The following MAGI2 variants were observed in gnomAD, a reference collection of about 807,000 sequenced individuals.
The protein encoded by MAGI2 is membrane associated guanylate kinase, WW and PDZ domain containing 2.
A neutral mutation model predicts 133.3 loss-of-function variants in MAGI2; 35 were observed. The ratio of observed to expected loss-of-function variants is 0.26; its 90% confidence interval spans 0.20 to 0.35. The LOEUF is 0.35. Ranked by LOEUF, MAGI2 falls within the 10% of genes least tolerant of loss-of-function variation. The pLI, the probability that MAGI2 is intolerant of heterozygous loss-of-function variation, is 1.00. For missense variants in MAGI2, 1,636 were observed against 1,863.4 expected (o/e 0.88, Z 2.25); for synonymous variants, 729 against 710.6 (o/e 1.03, Z -0.41).
At chr7:78,920,054 G>A (rs967421534) in intron 2 of MAGI2, among the ~76,000 whole-genome samples, 1 of 151,988 alleles carries the variant, frequency 6.6e-6, no homozygotes. Context: ...CCATGGCTCC[G>A]AACTTCCCAT....
At chr7:78,187,149 A>G (rs1486465234) in intron 12 of MAGI2, among the ~76,000 whole-genome samples, 3 of 152,198 alleles carry the variant, frequency 2.0e-5, no homozygotes, top group Admixed American at 1.3e-4. Flanking sequence ...ACTAAACATT[A>G]CTAAACGTCT....
intron 2 of MAGI2, among the ~76,000 whole-genome samples, chr7:78,676,552 T>C (rs1354166386): frequency 6.6e-6 from 1 of 152,136 alleles, no homozygotes; most frequent in African/African-American, 2.4e-5. Context: ...ATGGCCACTG[T>C]TGTCAATGCT....
At chr7:78,429,119 G>A (rs1262146172) in intron 6 of MAGI2, among the ~76,000 whole-genome samples, 1 of 152,130 alleles carries the variant, frequency 6.6e-6, no homozygotes, top group Non-Finnish European at 1.5e-5. Flanking sequence ...AATGAGTACA[G>A]GAGGGAGGCC....
chr7:79,297,319 G>A (rs1199544656), intron 1 of MAGI2, among the ~76,000 whole-genome samples: 3 of 152,240 alleles, frequency 2.0e-5, no homozygotes, highest in East Asian at 3.9e-4. Context: ...AAGATAGATG[G>A]GGATTGCATG....
chr7:78,590,260 T>A (rs619747), intron 3 of MAGI2, among the ~76,000 whole-genome samples: 1 of 151,914 alleles, frequency 6.6e-6, no homozygotes, highest in Non-Finnish European at 1.5e-5. Context: ...CCTGGAACGC[T>A]AATTCTGCCT....
intron 2 of MAGI2, among the ~76,000 whole-genome samples, chr7:78,703,147 T>C (rs1818249513): frequency 6.6e-6 from 1 of 151,866 alleles, no homozygotes; most frequent in African/African-American, 2.4e-5. Context: ...TTAAAAAAAA[T>C]CCCAGAGCCA....
At chr7:79,314,221 G>A (rs985591541) in intron 1 of MAGI2, among the ~76,000 whole-genome samples, 8 of 152,192 alleles carry the variant, frequency 5.3e-5, no homozygotes, top group African/African-American at 9.6e-5. Context: ...TGATCTGCCC[G>A]CCTTGGCCTC....
chr7:78,925,388 A>G (rs1486059898), intron 2 of MAGI2, among the ~76,000 whole-genome samples: 1 of 152,066 alleles, frequency 6.6e-6, no homozygotes, highest in Non-Finnish European at 1.5e-5. Context: ...TTCTATTTCT[A>G]CCAGCATGTG....
chr7:79,246,902 G>A (rs1280032797), intron 1 of MAGI2, among the ~76,000 whole-genome samples: 1 of 152,168 alleles, frequency 6.6e-6, no homozygotes, highest in East Asian at 1.9e-4. Context: ...CCTAAAGGCA[G>A]CAAGAGAAAA....
chr7:78,866,463 CAT>C (rs1794563200), intron 2 of MAGI2, among the ~76,000 whole-genome samples: 1 of 152,000 alleles, frequency 6.6e-6, no homozygotes, highest in African/African-American at 2.4e-5. Flanking sequence ...TTTCTTCTCT[CAT>C]GTGAAATTAA....
At chr7:78,210,907 G>A (rs1411179350) in intron 10 of MAGI2, among the ~76,000 whole-genome samples, 1 of 152,212 alleles carries the variant, frequency 6.6e-6, no homozygotes, top group Non-Finnish European at 1.5e-5. Context: ...GATTGCAGTG[G>A]GTTTGAAGAA....
intron 13 of MAGI2, among the ~76,000 whole-genome samples, chr7:78,182,621 T>C (rs1827292261): frequency 6.6e-6 from 1 of 152,214 alleles, no homozygotes; most frequent in Non-Finnish European, 1.5e-5. Flanking sequence ...ATGCTCTCTC[T>C]TAGCACTACT....
At chr7:78,372,164 T>G (rs1793984593) in intron 6 of MAGI2, among the ~76,000 whole-genome samples, 1 of 152,126 alleles carries the variant, frequency 6.6e-6, no homozygotes, top group South Asian at 2.1e-4. Flanking sequence ...AAACAAAGAT[T>G]TAACCTAGTA....
intron 21 of MAGI2, among the ~76,000 whole-genome samples, chr7:78,049,022 C>T (rs112622402): frequency 6.6e-5 from 10 of 151,160 alleles, no homozygotes; most frequent in East Asian, 2.0e-4. Context: ...GCAGGGGAAT[C>T]GCTTGAACCC....
chr7:78,652,279 CTT>C (rs1424671419), intron 2 of MAGI2, among the ~76,000 whole-genome samples: 1 of 152,174 alleles, frequency 6.6e-6, no homozygotes, highest in Non-Finnish European at 1.5e-5. Context: ...AATAAGCAGA[CTT>C]TTGCTTACAT....
intron 6 of MAGI2, among the ~76,000 whole-genome samples, chr7:78,399,582 A>T (rs934207090): frequency 6.6e-6 from 1 of 152,128 alleles, no homozygotes; most frequent in Non-Finnish European, 1.5e-5. Flanking sequence ...AGGTGGGTGG[A>T]TCACTTGTGG....
At chr7:78,524,052 G>GA (rs11434233) in intron 3 of MAGI2, among the ~76,000 whole-genome samples, 62,849 of 149,044 alleles carry the variant, frequency 0.42, 14,498 homozygotes, top group African/African-American at 0.61. Flanking sequence ...CATTTCTAGG[G>GA]AAAAAAAAAA....
intron 3 of MAGI2, among the ~76,000 whole-genome samples, chr7:78,522,221 A>G (rs1796567338): frequency 6.6e-6 from 1 of 152,128 alleles, no homozygotes. Context: ...AGATTACCAC[A>G]GCTTTTTTTT....
intron 1 of MAGI2, among the ~76,000 whole-genome samples, chr7:79,213,218 A>ATATATGTGTGTGTGTGTG (rs1829653575): frequency 6.6e-6 from 1 of 151,204 alleles, no homozygotes; most frequent in Non-Finnish European, 1.5e-5. Context: ...TTTTCTGTAT[A>ATATATGTGTGTGTGTGTG]TATATATGTG....
Sources: allele counts gnomAD v4.1 joint callset (sites outside exome capture counted in the v4.1 genomes callset), GRCh38; gene constraint gnomAD v4.1.1; transcripts MANE v1.5; gene names NCBI Gene and HGNC (gene_info 2026-07-23, HGNC 2026-07-21).